The following CSK variants were observed in gnomAD, a reference collection of about 807,000 sequenced individuals.
CSK encodes the protein tyrosine-protein kinase CSK.
CSK carries 7 observed loss-of-function variants against 62.3 expected under a neutral mutation model. The ratio of observed to expected loss-of-function variants is 0.11; its 90% CI spans 0.06 to 0.21. CSK has a LOEUF of 0.21. CSK is among the 10% of genes least tolerant of loss of function. CSK has a pLI of 1.00. For synonymous variants in CSK, 237 were observed against 246.0 expected (o/e 0.96, Z 0.34); for missense variants, 294 against 613.5 (o/e 0.48, Z 5.50).
At position 74,798,364 on chromosome 15, in the gene CSK, C is replaced by A. The variant is rs200997069; in HGVS notation, c.15+52C>A. ...ATGCAAGCATTCCCACCAGCCCCAG[C>A]GGGGTGCTTAGCAGAGGAGAGAGGA... On this transcript the variant is annotated intron_variant, in intron 2 of 12. Transcript: ENST00000220003. This position sits in a 1 kb window ranked among gnomAD's most constrained non-coding sequence, Gnocchi z 6.6. 192 of 1,588,778 alleles carry A rather than the reference C, an allele frequency of 1.2e-4. 1 individual carries two copies. Among genetic ancestry groups the A allele is most frequent in the Middle Eastern group, 1.7e-4 (1 of 6,012 alleles).
At position 74,800,398 on chromosome 15, in the gene CSK, C is replaced by A. The variant is rs1274458534; in HGVS notation, c.463-14C>A. 1 of 1,612,716 alleles carries A rather than the reference C, an allele frequency of 6.2e-7. No homozygotes were observed. The highest frequency in any genetic ancestry group is 1.7e-5 in the Admixed American group (1 of 59,868). ...TGGGCTGTCTCTGAGCACCCTGCCC[C>A]CCACACCCTGCAGCACTACACCTCA... On this transcript the variant is annotated splice_polypyrimidine_tract_variant and intron_variant, in intron 5 of 12. Transcript: ENST00000220003.
At chr15:74,801,454 C>T (rs1657120299) in intron 9 of CSK, 68 bp from the exon 10 acceptor site, 5 of 1,503,474 alleles carry the variant, frequency 3.3e-6, no homozygotes, top group Middle Eastern at 2.1e-4. Context: ...CACCCGGCCC[C>T]AGCGTGCTGT....
At position 74,802,685 on chromosome 15, in the gene CSK, G is replaced by C; in HGVS notation, c.*172G>C. 1.3e-6 allele frequency: 1 copy of C among 790,092 alleles called. No individual in the cohort carries two copies. Among genetic ancestry groups the C allele is most frequent in the Non-Finnish European group, 1.9e-6 (1 of 536,058 alleles). 48.9% of individuals were successfully genotyped at this position (790,092 alleles called of 1,614,324 possible). A position where few individuals can be genotyped will look rare whatever the true frequency, so the allele number is the denominator to read the frequency against. On this transcript the variant is annotated 3_prime_UTR_variant, in exon 13 of 13. Transcript: ENST00000220003. ...GGCCCCGTCTCTCTTGGACCCACCT[G>C]TGGGGCCTGGGGAGCCCACTGAGGG...
chr15:74,793,111 C>G (rs1337862612), intron 1 of CSK: 2 of 152,266 alleles, frequency 1.3e-5, no homozygotes, highest in Non-Finnish European at 2.9e-5. Context: ...TGCAAGATGT[C>G]TGTGGCAAGG....
In CSK at chr15:74,799,380, G is replaced by A. The variant is rs372190412; in HGVS notation, c.351G>A (p.Thr117=). 2.4e-5 allele frequency: 38 copies of A among 1,613,602 alleles called. No individual in the cohort carries two copies. Among genetic ancestry groups the A allele is most frequent in the South Asian group, 1.9e-4 (17 of 91,078 alleles). ...RESTNYPGDY[T]LCVSCDGKVE... ...GCACCAACTACCCCGGAGACTACAC[G>A]CTGTGCGTGAGCTGCGACGGCAAGG... Residue 117 remains threonine, a synonymous_variant, in exon 5 of 13, where the codon ACG becomes ACA. Transcript: ENST00000220003.
intron 1 of CSK, among the ~76,000 whole-genome samples, chr15:74,783,627 C>T (rs2063471671): frequency 1.3e-5 from 2 of 152,212 alleles, no homozygotes; most frequent in Non-Finnish European, 2.9e-5. Context: ...GCCCCCAGCC[C>T]GGCCCCAGAG....
rs376509733 is a variant in CSK, at chr15:74,798,597, G to A, written c.16-18G>A. 4.7e-5 allele frequency: 75 copies of A among 1,609,668 alleles called. No individual in the cohort carries two copies. Among genetic ancestry groups the A allele is most frequent in the African/African-American group, 9.3e-5 (7 of 74,876 alleles). ...GGGGGCCCAGGCTGCACCCGCCCAC[G>A]TGTCACCTGCCTTGCAGGCCGCCTG... On this transcript the variant is annotated intron_variant, in intron 2 of 12. Transcript: ENST00000220003. This position sits in a 1 kb window ranked among gnomAD's most constrained non-coding sequence, Gnocchi z 6.6.
At chr15:74,801,125 C>T (rs541407225) in intron 9 of CSK, 23 bp downstream of exon 9, 3 of 1,612,584 alleles carry the variant, frequency 1.9e-6, no homozygotes, top group Admixed American at 3.3e-5. Context: ...CGAGACCCGG[C>T]ACTCAGGCCT....
At chr15:74,801,324 C>A (rs1170235648) in intron 9 of CSK, among the ~76,000 whole-genome samples, 198 bp from the exon 10 acceptor site, 1 of 152,216 alleles carries the variant, frequency 6.6e-6, no homozygotes, top group Non-Finnish European at 1.5e-5. Context: ...ATAATAACAA[C>A]TTAGAGATTT....
rs886348270 is a variant in CSK, at chr15:74,803,046, T to C, written c.*533T>C. 1 of 155,534 alleles carries C rather than the reference T, an allele frequency of 6.4e-6. No homozygotes were observed. Among genetic ancestry groups the C allele is most frequent in the Non-Finnish European group, 1.4e-5 (1 of 70,068 alleles). The allele number at this position is 155,534 out of a possible 1,614,324, so 9.6% of individuals were successfully genotyped here. A position where few individuals can be genotyped will look rare whatever the true frequency, so the allele number is the denominator to read the frequency against. On this transcript the variant is annotated 3_prime_UTR_variant, in exon 13 of 13. Transcript: ENST00000220003. ...GTCGCCCCGTGTTTGCGCTTGACCA[T>C]GTTGCACTGTTTGCATGCGCCCGAG...
Position 74,801,507 on chromosome 15 carries a change from C to G in CSK, c.814-15C>G, listed in dbSNP as rs570943025. The G allele has an allele frequency of 6.2e-7, 1 of 1,608,728 alleles. No homozygotes were observed. The highest frequency in any genetic ancestry group is 1.1e-5 in the South Asian group (1 of 90,482). On this transcript the variant is annotated splice_polypyrimidine_tract_variant and intron_variant, in intron 9 of 12. Transcript: ENST00000220003. Reference sequence around the variant, plus strand: ...CACGTCTGACCTCGGCCTGGTCTGTCCTTCCTGCCCCCAGGGGAGCCTTGT... The same window carrying G: ...CACGTCTGACCTCGGCCTGGTCTGTGCTTCCTGCCCCCAGGGGAGCCTTGT...
intron 5 of CSK, among the ~76,000 whole-genome samples, chr15:74,800,001 G>A (rs943459012): frequency 1.3e-4 from 20 of 152,170 alleles, no homozygotes; most frequent in Admixed American, 1.0e-3. Flanking sequence ...CCTGGCATCC[G>A]GTAGCCACAG....
At chr15:74,801,638 C>T (rs1309336423) in intron 10 of CSK, 43 bp downstream of exon 10, 4 of 1,610,724 alleles carry the variant, frequency 2.5e-6, no homozygotes, top group Admixed American at 1.7e-5. Flanking sequence ...TTGAGGGGTA[C>T]CCTGCCCTGC....
intron 9 of CSK, 113 bp downstream of exon 9, chr15:74,801,215 A>G (rs1443427413): frequency 1.7e-6 from 2 of 1,184,784 alleles, no homozygotes; most frequent in East Asian, 2.4e-5. Flanking sequence ...CTTTTAGGTC[A>G]CCAGGGCTGG....
chr15:74,793,187 A>G (rs1049616283), intron 1 of CSK: 1 of 152,314 alleles, frequency 6.6e-6, no homozygotes, highest in Non-Finnish European at 1.5e-5. Context: ...GCCAAGGAGT[A>G]TCACCAGTCC....
At chr15:74,801,148 G>A (rs755021838) in intron 9 of CSK, 46 bp downstream of exon 9, 88 of 1,605,664 alleles carry the variant, frequency 5.5e-5, no homozygotes, top group East Asian at 2.0e-4. Context: ...CAACTGCCCC[G>A]AAACCCCCAC....
chr15:74,783,326 C>CGCA (rs2063466636), intron 1 of CSK, among the ~76,000 whole-genome samples: 1 of 152,226 alleles, frequency 6.6e-6, no homozygotes, highest in African/African-American at 2.4e-5. Context: ...AGCATTAGCA[C>CGCA]CATGCCCCCA....
rs1030599906 is a variant in CSK at position 74,785,684 on chromosome 15, C to T, written c.-66+2964C>T. ...GGCATTGTTGAAGGAGTGCCCACTGCTGGCTGCCTCAACCTGTGGGGAAGG... is the reference window on the plus strand; with the variant it reads ...GGCATTGTTGAAGGAGTGCCCACTGTTGGCTGCCTCAACCTGTGGGGAAGG... On this transcript the variant is annotated intron_variant, in intron 1 of 12. Coordinates refer to ENST00000220003, the MANE Select transcript of CSK (RefSeq NM_004383.3). 7.2e-5 allele frequency among the ~76,000 whole-genome samples: 11 copies of T among 152,326 alleles called. No individual in the cohort carries two copies. The South Asian group carries it at 2.1e-3, about 29-fold the overall frequency.
Position 74,800,733 on chromosome 15 carries a change from G to C in CSK, c.609G>C (p.Lys203Asn). The C allele has an allele frequency of 1.3e-6, 2 of 1,572,982 alleles. No homozygotes were observed. The highest frequency in any genetic ancestry group is 1.7e-6 in the Non-Finnish European group (2 of 1,158,798). Residue 203 changes from lysine to asparagine, a missense_variant, in exon 7 of 13, where the codon AAG (lysine) becomes AAC (asparagine). By Grantham distance (94) the Lys-to-Asn change is moderately conservative (BLOSUM62 0). Coordinates refer to ENST00000220003, the MANE Select transcript of CSK (RefSeq NM_004383.3). ...KELKLLQTIG[K>N]GEFGDVMLGD... ...TGAAGCTGCTGCAGACCATCGGGAA[G>C]GGGGAGTTCGGAGGTGAGCTGGGCC...
Sources: allele counts gnomAD v4.1 joint callset (sites outside exome capture counted in the v4.1 genomes callset), GRCh38; gene constraint gnomAD v4.1.1; non-coding constraint Gnocchi (gnomAD v3.1); transcripts MANE v1.5; gene names NCBI Gene and HGNC (gene_info 2026-07-23, HGNC 2026-07-21).